Variants in TRPM3 observed in about 807,000 individuals in gnomAD.
TRPM3 encodes transient receptor potential cation channel subfamily M member 3, also known as long transient receptor potential channel 3.
Under a neutral mutation model 181.2 loss-of-function variants are expected in TRPM3, and 77 were observed. The observed-to-expected ratio is 0.42, with a 90% CI of 0.35 to 0.51. The LOEUF (loss-of-function observed/expected upper bound fraction) is 0.51, where lower values mean the gene tolerates loss of function less well. Ranked by LOEUF, TRPM3 falls within the 20% of genes least tolerant of loss-of-function variation. The pLI is 0.01. For synonymous variants in TRPM3, 745 were observed against 796.4 expected (o/e 0.94, Z 1.09); for missense variants, 1,759 against 2,196.7 (o/e 0.80, Z 3.98).
chr9:71,396,430 T>C (rs2093196528), intron 1 of TRPM3, among the ~76,000 whole-genome samples: 1 of 152,124 alleles, frequency 6.6e-6, no homozygotes, highest in African/African-American at 2.4e-5. Context: ...AAAGCAACTA[T>C]AAAGTAAATT....
rs1412288417 is a variant in TRPM3, at chr9:71,134,012, T to TGCGC, written c.184-269502_184-269501insGCGC. 6.5e-3 allele frequency among the ~76,000 whole-genome samples: 850 copies of TGCGC among 131,504 alleles called. 7 individuals carry two copies. Among genetic ancestry groups the TGCGC allele is most frequent in the Non-Finnish European group, 8.6e-3 (497 of 58,114 alleles). 86.3% of individuals were successfully genotyped at this position (131,504 alleles called of 152,430 possible). On this transcript the variant is annotated intron_variant, in intron 1 of 24. Coordinates refer to the TRPM3 transcript ENST00000357533. ...GTGTGTGTGTGTGTGTGTGTGTGTG[T>TGCGC]GTGCGCGTGCGCGCGCGCGCGTGTC...
At chr9:71,008,032 T>C (rs2097698492) in intron 1 of TRPM3, among the ~76,000 whole-genome samples, 2 of 151,906 alleles carry the variant, frequency 1.3e-5, no homozygotes, top group Admixed American at 1.3e-4. Context: ...AATTTAGTTA[T>C]ACTAAGAAAA....
At chr9:71,210,031 G>A (rs758012778) in intron 1 of TRPM3, among the ~76,000 whole-genome samples, 9 of 152,224 alleles carry the variant, frequency 5.9e-5, no homozygotes, top group Non-Finnish European at 1.2e-4. Context: ...AACCCCGTTA[G>A]GAACTGGGCG....
chr9:71,070,315 T>C (rs1565126010), intron 1 of TRPM3, among the ~76,000 whole-genome samples: 1 of 152,234 alleles, frequency 6.6e-6, no homozygotes, highest in East Asian at 1.9e-4. Context: ...AGGTCATGAA[T>C]GATGCATGCT....
At chr9:71,186,931 T>C (rs562782302) in intron 1 of TRPM3, among the ~76,000 whole-genome samples, 5 of 152,164 alleles carry the variant, frequency 3.3e-5, no homozygotes, top group African/African-American at 4.8e-5. Context: ...ATATTTTCCC[T>C]AATAATTAAA....
chr9:71,009,888 G>C (rs2097717844), intron 1 of TRPM3, among the ~76,000 whole-genome samples: 5 of 152,052 alleles, frequency 3.3e-5, no homozygotes, highest in Admixed American at 3.3e-4. Flanking sequence ...GATGCACATA[G>C]ACCAATAGAA....
intron 1 of TRPM3, among the ~76,000 whole-genome samples, chr9:71,392,501 G>A (rs1016298098): frequency 6.6e-6 from 1 of 152,008 alleles, no homozygotes; most frequent in Non-Finnish European, 1.5e-5. Flanking sequence ...TGCCTTGGCT[G>A]GGTATTGGTT....
At chr9:70,889,778 A>T (rs902312301) in intron 1 of TRPM3, among the ~76,000 whole-genome samples, 1 of 152,080 alleles carries the variant, frequency 6.6e-6, no homozygotes, top group Non-Finnish European at 1.5e-5. Flanking sequence ...GTCATCAGGA[A>T]TTAAGGAAAG....
intron 19 of TRPM3, 85 bp from the exon 20 acceptor site, chr9:70,603,555 G>A: frequency 6.8e-7 from 1 of 1,466,600 alleles, no homozygotes; most frequent in Non-Finnish European, 9.2e-7. Flanking sequence ...GCAGCACAGA[G>A]CAGGGTCAGC....
At chr9:70,779,390 A>G (rs1292331873) in intron 7 of TRPM3, among the ~76,000 whole-genome samples, 1 of 152,226 alleles carries the variant, frequency 6.6e-6, no homozygotes, top group Non-Finnish European at 1.5e-5. Flanking sequence ...CAAAATAAAC[A>G]TAAAAATCCG....
chr9:70,662,227 G>A (rs1249071309), intron 9 of TRPM3, among the ~76,000 whole-genome samples: 2 of 151,916 alleles, frequency 1.3e-5, no homozygotes, highest in Non-Finnish European at 2.9e-5. Flanking sequence ...CACATGTAGA[G>A]GAATAAAACT....
At chr9:70,995,977 T>C (rs2097538140) in intron 1 of TRPM3, among the ~76,000 whole-genome samples, 1 of 152,178 alleles carries the variant, frequency 6.6e-6, no homozygotes, top group Admixed American at 6.5e-5. Context: ...TACTGTAATG[T>C]GGAATGCATT....
At chr9:71,250,275 C>T (rs933939570) in intron 1 of TRPM3, among the ~76,000 whole-genome samples, 2 of 152,164 alleles carry the variant, frequency 1.3e-5, no homozygotes, top group Admixed American at 6.5e-5. Context: ...TATCTGTTGG[C>T]AGCCTAAAGT....
chr9:71,209,208 T>A (rs910087474), intron 1 of TRPM3, among the ~76,000 whole-genome samples: 1 of 152,110 alleles, frequency 6.6e-6, no homozygotes, highest in African/African-American at 2.4e-5. Flanking sequence ...AGGAAATGAA[T>A]GTGTGTTGGC....
At chr9:71,148,743 T>C (rs2075569645) in intron 1 of TRPM3, among the ~76,000 whole-genome samples, 3 of 152,174 alleles carry the variant, frequency 2.0e-5, no homozygotes, top group Non-Finnish European at 4.4e-5. Context: ...TTAAAATTTC[T>C]TGAAAGTCAT....
At chr9:71,383,467 G>A (rs2092851502) in intron 1 of TRPM3, among the ~76,000 whole-genome samples, 1 of 152,122 alleles carries the variant, frequency 6.6e-6, no homozygotes, top group African/African-American at 2.4e-5. Flanking sequence ...GAGAGTGGCT[G>A]GGGTATTTCC....
At chr9:71,166,127 A>G (rs2076528817) in intron 1 of TRPM3, among the ~76,000 whole-genome samples, 1 of 152,180 alleles carries the variant, frequency 6.6e-6, no homozygotes, top group African/African-American at 2.4e-5. Context: ...CAGCCAAGTG[A>G]GGAGTATTCC....
chr9:71,112,534 C>A (rs1302848150), intron 1 of TRPM3, among the ~76,000 whole-genome samples: 1 of 152,044 alleles, frequency 6.6e-6, no homozygotes, highest in Non-Finnish European at 1.5e-5. Flanking sequence ...CCTATAATAC[C>A]ATTTGGTTCC....
At chr9:71,235,856 G>A (rs1177842792) in intron 1 of TRPM3, among the ~76,000 whole-genome samples, 1 of 152,124 alleles carries the variant, frequency 6.6e-6, no homozygotes, top group Admixed American at 6.5e-5. Flanking sequence ...TATTGCTTCT[G>A]TATTATCCCA....
Sources: gnomAD v4.1 joint callset for allele counts (sites outside exome capture counted in the v4.1 genomes callset) on GRCh38, gnomAD v4.1.1 for gene constraint, MANE v1.5 for transcripts, NCBI Gene and HGNC (gene_info 2026-07-23, HGNC 2026-07-21) for gene names.